GLIS1: variants seen among roughly 807,000 people sequenced by gnomAD.
The protein encoded by GLIS1 is zinc finger protein GLIS1.
GLIS1 carries 24 observed loss-of-function variants against 63.8 expected under a neutral mutation model. The observed-to-expected ratio is 0.38, with a 90% CI of 0.27 to 0.53. GLIS1 has a LOEUF of 0.53. GLIS1 is among the 20% of genes least tolerant of loss of function. The probability of loss-of-function intolerance (pLI) is 0.85; values close to 1 mark genes in which losing one functional copy is unlikely to be tolerated. For missense variants in GLIS1, 1,036 were observed against 1,074.1 expected, an observed-to-expected ratio of 0.96 and a Z score of 0.50; for synonymous variants, 450 against 482.5, an observed-to-expected ratio of 0.93 and a Z score of 0.88.
intron 4 of GLIS1, among the ~76,000 whole-genome samples, chr1:53,534,356 G>C (rs991263051): frequency 6.6e-6 from 1 of 152,018 alleles, no homozygotes; most frequent in African/African-American, 2.4e-5. Context: ...CTGGGGCGGG[G>C]CCTTCCTGAC....
rs1644398545 is a variant in GLIS1, at chr1:53,520,666, C to T, written c.1694G>A (p.Gly565Asp). ...CAGCTCCTGGCCCAGGCCACAGCCA[C>T]CCTTGCCGTCGCTGGCAGCCAGCTG... ...STQLAASDGK[G>D]GCGLGQELLP... Residue 565 changes from glycine (G) to aspartate (D), a missense_variant, in exon 7 of 11, where the codon GGT becomes GAT. Gly to Asp is a moderately conservative substitution (Grantham distance 94, BLOSUM62 -1). Transcript: ENST00000628545. 1.2e-6 allele frequency: 2 copies of T among 1,610,986 alleles called. No homozygotes were observed. The highest frequency in any genetic ancestry group is 1.7e-6 in the Non-Finnish European group (2 of 1,179,142).
intron 2 of GLIS1, among the ~76,000 whole-genome samples, chr1:53,716,463 A>G (rs912509427): frequency 6.6e-6 from 1 of 152,084 alleles, no homozygotes; most frequent in Non-Finnish European, 1.5e-5. Context: ...AAAACCCTCA[A>G]CCTGAAAGGA....
intron 2 of GLIS1, among the ~76,000 whole-genome samples, chr1:53,695,203 G>A (rs560456830): frequency 5.3e-5 from 8 of 152,318 alleles, no homozygotes; most frequent in South Asian, 4.1e-4. Flanking sequence ...TGGACTGTGC[G>A]GCCCAAATCC....
chr1:53,517,171 C>T (rs995827990), intron 7 of GLIS1, among the ~76,000 whole-genome samples: 29 of 152,070 alleles, frequency 1.9e-4, no homozygotes, highest in Non-Finnish European at 7.3e-5. Context: ...AGAAAGTCCA[C>T]TTGAGGCCAG....
At chr1:53,550,444 A>G (rs895739201) in intron 4 of GLIS1, among the ~76,000 whole-genome samples, 12 of 152,080 alleles carry the variant, frequency 7.9e-5, no homozygotes, top group Admixed American at 2.0e-4. Flanking sequence ...GCGAACACAC[A>G]CTCACACTGA....
intron 4 of GLIS1, among the ~76,000 whole-genome samples, chr1:53,588,680 G>A (rs1344502773): frequency 2.0e-5 from 3 of 152,214 alleles, no homozygotes; most frequent in Non-Finnish European, 4.4e-5. Context: ...TGTTGGGCAG[G>A]GGGCAGAAGG....
At chr1:53,644,197 C>T (rs907804944) in intron 2 of GLIS1, among the ~76,000 whole-genome samples, 1 of 152,154 alleles carries the variant, frequency 6.6e-6, no homozygotes, top group East Asian at 1.9e-4. Flanking sequence ...GCTAGGCTGC[C>T]GGGTCACCCT....
At chr1:53,658,280 C>T (rs1184133001) in intron 2 of GLIS1, among the ~76,000 whole-genome samples, 1 of 152,210 alleles carries the variant, frequency 6.6e-6, no homozygotes, top group Non-Finnish European at 1.5e-5. Context: ...TGCTACTATA[C>T]ACCTGATCTT....
At chr1:53,541,891 G>C (rs1168581253) in intron 4 of GLIS1, among the ~76,000 whole-genome samples, 2 of 152,258 alleles carry the variant, frequency 1.3e-5, no homozygotes, top group African/African-American at 4.8e-5. Flanking sequence ...AGCTGGGGGA[G>C]TTTGGTGAGG....
chr1:53,652,960 G>A (rs1029641528), intron 2 of GLIS1, among the ~76,000 whole-genome samples: 2 of 152,180 alleles, frequency 1.3e-5, no homozygotes, highest in South Asian at 2.1e-4. Context: ...TGCCCAGGGC[G>A]GCCAAGAAGA....
At chr1:53,573,574 AAC>A (rs1244139566) in intron 4 of GLIS1, among the ~76,000 whole-genome samples, 2 of 152,206 alleles carry the variant, frequency 1.3e-5, no homozygotes, top group Non-Finnish European at 2.9e-5. Flanking sequence ...GTCAAAAACT[AAC>A]ACACAGGAGG....
intron 2 of GLIS1, among the ~76,000 whole-genome samples, chr1:53,657,387 C>A (rs909059024): frequency 6.6e-6 from 1 of 152,192 alleles, no homozygotes; most frequent in Non-Finnish European, 1.5e-5. Flanking sequence ...ATTAAGATGA[C>A]CACAGATTTG....
chr1:53,607,820 G>A (rs967607722), intron 2 of GLIS1, among the ~76,000 whole-genome samples: 1 of 152,218 alleles, frequency 6.6e-6, no homozygotes, highest in Non-Finnish European at 1.5e-5. Context: ...AGAAGTCCAA[G>A]ATCAAGTTGC....
intron 2 of GLIS1, among the ~76,000 whole-genome samples, chr1:53,656,970 G>T (rs948219542): frequency 2.4e-4 from 36 of 152,130 alleles, no homozygotes. Context: ...GCAGAGGTCC[G>T]GAGGGTGCAG....
chr1:53,621,672 T>C (rs920543393), intron 2 of GLIS1, among the ~76,000 whole-genome samples: 3 of 151,968 alleles, frequency 2.0e-5, no homozygotes, highest in African/African-American at 7.2e-5. Context: ...GTAATACGTT[T>C]TCATTTTGTG....
intron 2 of GLIS1, among the ~76,000 whole-genome samples, chr1:53,705,183 T>C (rs2100505190): frequency 6.6e-6 from 1 of 152,308 alleles, no homozygotes; most frequent in South Asian, 2.1e-4. Context: ...CTATCGCATT[T>C]GACTCCCACA....
intron 7 of GLIS1, 46 bp downstream of exon 7, chr1:53,520,588 G>A (rs1467970808): frequency 1.9e-6 from 3 of 1,539,828 alleles, no homozygotes; most frequent in Non-Finnish European, 2.6e-6. Flanking sequence ...GCAGAGAAAG[G>A]CCCCTCCTGG....
intron 2 of GLIS1, among the ~76,000 whole-genome samples, chr1:53,662,614 G>A (rs770066655): frequency 3.9e-5 from 6 of 152,072 alleles, no homozygotes; most frequent in Non-Finnish European, 5.9e-5. Context: ...GCTACAGGGG[G>A]CAGTTTCTAA....
chr1:53,637,010 G>A (rs563155619), intron 2 of GLIS1, among the ~76,000 whole-genome samples: 3 of 152,320 alleles, frequency 2.0e-5, no homozygotes, highest in Non-Finnish European at 2.9e-5. Flanking sequence ...GCTGCAGGAC[G>A]TGAGGGTGAC....
Sources: gnomAD v4.1 joint callset for allele counts (sites outside exome capture counted in the v4.1 genomes callset) on GRCh38, gnomAD v4.1.1 for gene constraint, MANE v1.5 for transcripts, NCBI Gene and HGNC (gene_info 2026-07-23, HGNC 2026-07-21) for gene names.